PPP2R3A: variants seen among roughly 807,000 people sequenced by gnomAD.
PPP2R3A encodes the protein protein phosphatase 2 regulatory subunit B''alpha, also known as serine/threonine-protein phosphatase 2A regulatory subunit B'' subunit alpha.
A neutral mutation model predicts 106.9 loss-of-function variants in PPP2R3A; 80 were observed. The ratio of observed to expected loss-of-function variants is 0.75; its 90% CI spans 0.62 to 0.90. The LOEUF (loss-of-function observed/expected upper bound fraction) is 0.90. PPP2R3A is among the 40% of genes least tolerant of loss of function. PPP2R3A has a pLI of 0.00. For missense variants in PPP2R3A, 1,386 were observed against 1,350.4 expected (o/e 1.03, Z -0.41); for synonymous variants, 483 against 468.3 (o/e 1.03, Z -0.41).
chr3:136,130,964 G>A (rs1308608809), intron 13 of PPP2R3A, among the ~76,000 whole-genome samples: 2 of 152,164 alleles, frequency 1.3e-5, no homozygotes, highest in Admixed American at 1.3e-4. Flanking sequence ...TATGCAGAAA[G>A]CTGAAACTGG....
At position 136,102,135 on chromosome 3, in the gene PPP2R3A, A is replaced by C; in HGVS notation, c.3056A>C (p.His1019Pro). The C allele has an allele frequency of 6.2e-7, 1 of 1,613,786 alleles. No homozygotes were observed. Among genetic ancestry groups the C allele is most frequent in the East Asian group, 2.2e-5 (1 of 44,858 alleles). ...EAMGIEPLPFHDLLCQMLDLV... is the reference protein window; with the variant it reads ...EAMGIEPLPFPDLLCQMLDLV... The stretch of plus-strand genomic sequence containing the variant: ...ATGGGAATTGAGCCCTTGCCATTCC[A>C]TGATTTACTGTGCCAGATGCTTGAC... The change falls in exon 11 of 14, where the codon CAT becomes CCT. Residue 1019 changes from histidine (H) to proline (P), a missense_variant. Physicochemically the swap from His to Pro is moderately conservative, Grantham distance 77. Coordinates refer to ENST00000264977, the MANE Select transcript of PPP2R3A (RefSeq NM_002718.5).
At chr3:136,010,387 A>T (rs1934016553) in intron 2 of PPP2R3A, among the ~76,000 whole-genome samples, 1 of 137,142 alleles carries the variant, frequency 7.3e-6, no homozygotes, top group Non-Finnish European at 1.5e-5. Context: ...AGCAGCTGGG[A>T]CTACAGGCGC....
chr3:136,079,293 G>A (rs1335670276), intron 7 of PPP2R3A: 1 of 355,690 alleles, frequency 2.8e-6, no homozygotes, highest in Non-Finnish European at 5.8e-6. Context: ...GGTAATATGG[G>A]ATGGGTTAAA....
chr3:136,030,827 C>T (rs1245197936), intron 3 of PPP2R3A, among the ~76,000 whole-genome samples: 11 of 133,518 alleles, frequency 8.2e-5, no homozygotes, highest in African/African-American at 2.2e-4. Context: ...TGTATGTATA[C>T]ACACACACAC....
chr3:136,004,776 C>T (rs1933785598), intron 2 of PPP2R3A, among the ~76,000 whole-genome samples: 2 of 152,078 alleles, frequency 1.3e-5, no homozygotes, highest in African/African-American at 4.8e-5. Flanking sequence ...TACAGGGGGC[C>T]TGAATAGTAT....
In PPP2R3A at chr3:136,103,290, A is replaced by C. The variant is rs1235184241; in HGVS notation, c.3136A>C (p.Arg1046=). 1 of 1,609,022 alleles carries C rather than the reference A, an allele frequency of 6.2e-7. No individual in the cohort carries two copies. Among genetic ancestry groups the C allele is most frequent in the Admixed American group, 1.7e-5 (1 of 59,894 alleles). The change falls in exon 12 of 14, where the codon AGA becomes CGA. Residue 1046 remains arginine, a synonymous_variant. Transcript: ENST00000264977. ...AACTCTAAGAGATCTGAAGAGGTGCAGAATGGCTCACATCTTCTATGACAC... is the reference window on the plus strand; with the variant it reads ...AACTCTAAGAGATCTGAAGAGGTGCCGAATGGCTCACATCTTCTATGACAC... ...KITLRDLKRC[R]MAHIFYDTFF... is the part of the protein sequence containing the mutation.
Position 136,001,219 on chromosome 3 carries a change from A to G in PPP2R3A, c.-280A>G, listed in dbSNP as rs1933610722. ...AAGAACTAAAAGAGGATATTCTTTCATCAAAATAATTCTGCAGTATCATAA... is the reference window on the plus strand; with the variant it reads ...AAGAACTAAAAGAGGATATTCTTTCGTCAAAATAATTCTGCAGTATCATAA... On this transcript the variant is annotated 5_prime_UTR_variant, in exon 2 of 14. Transcript: ENST00000264977. 2 of 449,744 alleles carry G rather than the reference A, an allele frequency of 4.4e-6. No homozygotes were observed. Among genetic ancestry groups the G allele is most frequent in the Admixed American group, 3.9e-5 (1 of 25,936 alleles). 27.9% of individuals were successfully genotyped at this position (449,744 alleles called of 1,614,324 possible). A position where few individuals can be genotyped will look rare whatever the true frequency, so the allele number is the denominator to read the frequency against.
intron 3 of PPP2R3A, among the ~76,000 whole-genome samples, chr3:136,040,282 G>A (rs752389322): frequency 7.2e-5 from 11 of 152,232 alleles, no homozygotes; most frequent in Non-Finnish European, 1.0e-4. Flanking sequence ...GCTCACGCCT[G>A]TAATCCCAGC....
intron 10 of PPP2R3A, among the ~76,000 whole-genome samples, chr3:136,094,530 A>G (rs752389208): frequency 2.9e-4 from 44 of 152,222 alleles, no homozygotes; most frequent in Admixed American, 8.5e-4. Flanking sequence ...TAAATAATCT[A>G]TGGATTAAAA....
rs142862578 is a variant in PPP2R3A at position 135,983,724 on chromosome 3, T to C, written c.-440-17335T>C. Among the ~76,000 whole-genome samples, 911 of 152,362 alleles carry C rather than the reference T, an allele frequency of 6.0e-3. 9 individuals are homozygous for C. The highest frequency in any genetic ancestry group is 0.011 in the Non-Finnish European group (731 of 68,036). On this transcript the variant is annotated intron_variant, in intron 1 of 13. Transcript: ENST00000264977. ...AAGTCAGGCTTTATGCTTAGCCTTATGGCATGTTTTGTATGTAATTCTATT... is the reference window on the plus strand; with the variant it reads ...AAGTCAGGCTTTATGCTTAGCCTTACGGCATGTTTTGTATGTAATTCTATT...
chr3:136,015,713 C>G (rs534681480), intron 2 of PPP2R3A, among the ~76,000 whole-genome samples: 2 of 151,602 alleles, frequency 1.3e-5, no homozygotes, highest in Non-Finnish European at 3.0e-5. Context: ...CTTCTTTTCT[C>G]GGTTAATCTC....
At chr3:136,024,885 A>G (rs572969592) in intron 2 of PPP2R3A, among the ~76,000 whole-genome samples, 82 of 152,328 alleles carry the variant, frequency 5.4e-4, no homozygotes, top group Non-Finnish European at 7.2e-4. Flanking sequence ...AAGAATAATA[A>G]TAATTTATTG....
chr3:136,089,973 A>G (rs1373396106), intron 9 of PPP2R3A, among the ~76,000 whole-genome samples: 1 of 152,192 alleles, frequency 6.6e-6, no homozygotes, highest in Non-Finnish European at 1.5e-5. Flanking sequence ...CCGAAACTTT[A>G]ATGAAATTAT....
chr3:136,060,839 T>C (rs528947022), intron 5 of PPP2R3A, among the ~76,000 whole-genome samples: 1 of 152,352 alleles, frequency 6.6e-6, no homozygotes, highest in African/African-American at 2.4e-5. Flanking sequence ...TGGTTACTAC[T>C]GTTAATAACA....
chr3:136,009,277 A>G (rs1361011390), intron 2 of PPP2R3A, among the ~76,000 whole-genome samples: 2 of 152,048 alleles, frequency 1.3e-5, no homozygotes, highest in African/African-American at 4.8e-5. Flanking sequence ...TTGCTGCTCT[A>G]GACTATTCTC....
intron 13 of PPP2R3A, among the ~76,000 whole-genome samples, chr3:136,140,050 G>T (rs1938795289): frequency 6.6e-6 from 1 of 150,842 alleles, no homozygotes; most frequent in African/African-American, 2.4e-5. Context: ...TGATACCTAT[G>T]ATTTCTAGTA....
At chr3:135,974,677 C>G (rs1937361031) in intron 1 of PPP2R3A, among the ~76,000 whole-genome samples, 1 of 152,230 alleles carries the variant, frequency 6.6e-6, no homozygotes, top group Non-Finnish European at 1.5e-5. Flanking sequence ...CTTTCAAACT[C>G]TGCTTCTCAG....
chr3:135,997,053 T>C (rs952631770), intron 1 of PPP2R3A, among the ~76,000 whole-genome samples: 1 of 152,210 alleles, frequency 6.6e-6, no homozygotes, highest in African/African-American at 2.4e-5. Context: ...CAAAGCTTTT[T>C]CTGGATCTTT....
chr3:136,039,472 G>T (rs934456753), intron 3 of PPP2R3A, among the ~76,000 whole-genome samples: 2 of 152,120 alleles, frequency 1.3e-5, no homozygotes, highest in Admixed American at 6.5e-5. Context: ...TCCATGGATG[G>T]GGGTAGAGTG....
Sources: allele counts gnomAD v4.1 joint callset (sites outside exome capture counted in the v4.1 genomes callset), GRCh38; gene constraint gnomAD v4.1.1; transcripts MANE v1.5; gene names NCBI Gene and HGNC (gene_info 2026-07-23, HGNC 2026-07-21).